EPM2A: variants seen among roughly 807,000 people sequenced by gnomAD.
The protein encoded by EPM2A is EPM2A glucan phosphatase, laforin, also known as laforin.
EPM2A carries 21 observed loss-of-function variants against 26.5 expected under a neutral mutation model. The observed-to-expected ratio is 0.79, with a 90% CI of 0.56 to 1.14. The LOEUF is 1.14. Ranked by LOEUF, EPM2A falls within the 50% of genes most tolerant of loss-of-function variation. The pLI is 0.00. For missense variants in EPM2A, 458 were observed against 440.8 expected, an observed-to-expected ratio of 1.04 and a Z score of -0.35; for synonymous variants, 217 against 177.6, an observed-to-expected ratio of 1.22 and a Z score of -1.76.
At chr6:145,486,912 T>G (rs922389759) in intron 4 of EPM2A, among the ~76,000 whole-genome samples, 1 of 152,108 alleles carries the variant, frequency 6.6e-6, no homozygotes, top group Non-Finnish European at 1.5e-5. Context: ...ACATGTGTCA[T>G]GGGATTTGTT....
In EPM2A at chr6:145,626,710, T is replaced by C. The variant is rs184781317; in HGVS notation, c.*706A>G. ...CTACCTATGCTCATTAAGCCTCAAT[T>C]TAACTTCTTGACATCTCAACTATAA... On this transcript the variant is annotated 3_prime_UTR_variant, in exon 4 of 4. Transcript: ENST00000367519. 1 of 985,890 alleles carries C rather than the reference T, an allele frequency of 1.0e-6. No individual in the cohort carries two copies. Among genetic ancestry groups the C allele is most frequent in the African/African-American group, 1.7e-5 (1 of 57,240 alleles). The allele number at this position is 985,890 out of a possible 1,614,324, so 61.1% of individuals were successfully genotyped here.
chr6:145,485,664 G>A (rs1779662142), intron 4 of EPM2A, among the ~76,000 whole-genome samples: 1 of 152,182 alleles, frequency 6.6e-6, no homozygotes, highest in African/African-American at 2.4e-5. Flanking sequence ...AAAAAGGGAT[G>A]TTCTGCCCTT....
At chr6:145,425,160 T>G (rs1562329575) in intron 4 of EPM2A, among the ~76,000 whole-genome samples, 2 of 129,846 alleles carry the variant, frequency 1.5e-5, no homozygotes, top group Non-Finnish European at 3.5e-5. Flanking sequence ...CTTCCTTCCT[T>G]TCCTTCCGTC....
intron 4 of EPM2A, among the ~76,000 whole-genome samples, chr6:145,387,053 C>T (rs535669956): frequency 6.6e-6 from 1 of 152,130 alleles, no homozygotes; most frequent in South Asian, 2.1e-4. Flanking sequence ...ATTTCTTGGC[C>T]AAACCCAAGG....
At chr6:145,718,002 A>G (rs1434689777) in intron 1 of EPM2A, among the ~76,000 whole-genome samples, 2 of 151,354 alleles carry the variant, frequency 1.3e-5, no homozygotes, top group African/African-American at 4.8e-5. Flanking sequence ...TTCCATGCTC[A>G]TGGGTAGGAA....
At chr6:145,653,771 C>T (rs1582975123) in intron 2 of EPM2A, among the ~76,000 whole-genome samples, 1 of 152,072 alleles carries the variant, frequency 6.6e-6, no homozygotes, top group South Asian at 2.1e-4. Flanking sequence ...GAACTTCAAC[C>T]GATTGAGTGA....
intron 2 of EPM2A, among the ~76,000 whole-genome samples, chr6:145,650,680 C>A (rs1306740281): frequency 6.6e-6 from 1 of 152,050 alleles, no homozygotes; most frequent in Non-Finnish European, 1.5e-5. Context: ...TATAAATAAG[C>A]CAAATTCTGT....
chr6:145,435,551 G>GAGA (rs1277456185), intron 4 of EPM2A, among the ~76,000 whole-genome samples: 1 of 151,330 alleles, frequency 6.6e-6, no homozygotes, highest in Non-Finnish European at 1.5e-5. Context: ...GGCAACTGCA[G>GAGA]AGAATGTGGG....
chr6:145,670,973 T>C (rs910115193), intron 2 of EPM2A: 1 of 984,572 alleles, frequency 1.0e-6, no homozygotes, highest in Non-Finnish European at 1.2e-6. Context: ...ATATGAACAA[T>C]TGTAATCTTG....
At position 145,735,421 on chromosome 6, in the gene EPM2A, C is replaced by T; in HGVS notation, c.78G>A (p.Arg26=). ...GCGGCTCCCAACGCCCCAGCTCGGG[C>T]CGCGACCCCACCACCAGCAGCTCCG... is the stretch of plus-strand genomic sequence containing the variant. ...ARPELLVVGS[R]PELGRWEPRG... is the part of the protein sequence containing the mutation. The change falls in exon 1 of 4, where the codon CGG becomes CGA. Residue 26 remains arginine, a synonymous_variant. Coordinates refer to ENST00000367519, the MANE Select transcript of EPM2A (RefSeq NM_005670.4). The T allele has an allele frequency of 8.0e-7, 1 of 1,255,144 alleles. No homozygotes were observed. The highest frequency in any genetic ancestry group is 3.6e-5 in the East Asian group (1 of 27,414). 77.8% of individuals were successfully genotyped at this position (1,255,144 alleles called of 1,614,324 possible). A position where few individuals can be genotyped will look rare whatever the true frequency, so the allele number is the denominator to read the frequency against.
chr6:145,446,377 C>CTGGTATAATATGCTATGTAGCAA (rs1429861166), intron 4 of EPM2A, among the ~76,000 whole-genome samples: 12 of 152,230 alleles, frequency 7.9e-5, no homozygotes, highest in Admixed American at 2.0e-4. Flanking sequence ...ATAACTAGAT[C>CTGGTATAATATGCTATGTAGCAA]ATCAGTGGGC....
intron 2 of EPM2A, among the ~76,000 whole-genome samples, chr6:145,617,901 C>A (rs1316834629): frequency 6.6e-6 from 1 of 152,154 alleles, no homozygotes; most frequent in East Asian, 1.9e-4. Flanking sequence ...TGTTATCGCA[C>A]CACTGTACTC....
chr6:145,676,337 T>C (rs1780036447), intron 2 of EPM2A, among the ~76,000 whole-genome samples: 1 of 152,064 alleles, frequency 6.6e-6, no homozygotes, highest in African/African-American at 2.4e-5. Flanking sequence ...AGATATAAAA[T>C]TGACACCCTA....
intron 4 of EPM2A, among the ~76,000 whole-genome samples, chr6:145,407,236 T>C (rs1778581327): frequency 1.3e-5 from 2 of 152,122 alleles, no homozygotes; most frequent in Admixed American, 1.3e-4. Flanking sequence ...ATGATATATG[T>C]TGGGACAAAA....
At chr6:145,468,041 T>G (rs568124898) in intron 4 of EPM2A, among the ~76,000 whole-genome samples, 1 of 152,096 alleles carries the variant, frequency 6.6e-6, no homozygotes, top group Non-Finnish European at 1.5e-5. Context: ...TTTGGATATA[T>G]GCTAGTTTAA....
At chr6:145,407,040 T>C (rs562215576) in intron 4 of EPM2A, among the ~76,000 whole-genome samples, 3 of 152,226 alleles carry the variant, frequency 2.0e-5, no homozygotes, top group East Asian at 3.9e-4. Flanking sequence ...TCGTGCCTCG[T>C]GGTAATGCAA....
chr6:145,553,963 A>T (rs953088361), intron 2 of EPM2A, among the ~76,000 whole-genome samples: 1 of 151,282 alleles, frequency 6.6e-6, no homozygotes, highest in Non-Finnish European at 1.5e-5. Flanking sequence ...TATGCACTCT[A>T]TATTTGCTTA....
At chr6:145,579,628 T>G (rs184479655) in intron 2 of EPM2A, among the ~76,000 whole-genome samples, 52 of 152,278 alleles carry the variant, frequency 3.4e-4, no homozygotes, top group Non-Finnish European at 6.6e-4. Context: ...GCAACAAAAT[T>G]GGGTTTGACA....
chr6:145,735,066 C>A, intron 1 of EPM2A, 132 bp downstream of exon 1: 1 of 532,160 alleles, frequency 1.9e-6, no homozygotes, highest in Non-Finnish European at 2.9e-6. Flanking sequence ...GGGGAGTGCG[C>A]AGGGACGCGG....
Sources: allele counts gnomAD v4.1 joint callset (sites outside exome capture counted in the v4.1 genomes callset), GRCh38; gene constraint gnomAD v4.1.1; transcripts MANE v1.5; gene names NCBI Gene and HGNC (gene_info 2026-07-23, HGNC 2026-07-21).